Variants in SLC22A25 observed in about 807,000 individuals in gnomAD.
SLC22A25 encodes the protein solute carrier family 22 member 25.
In SLC22A25, 44 loss-of-function variants were observed where a neutral mutation model predicts 45.9. That is an observed-to-expected ratio of 0.96 (90% CI 0.75 to 1.23). The LOEUF is 1.23. Among genes scored for constraint, SLC22A25 ranks in the 50% most tolerant of loss-of-function variants. SLC22A25 has a pLI of 0.00. For missense variants in SLC22A25, 800 were observed against 666.4 expected, an observed-to-expected ratio of 1.20 and a Z score of -2.21; for synonymous variants, 283 against 238.6, an observed-to-expected ratio of 1.19 and a Z score of -1.72.
intron 2 of SLC22A25, among the ~76,000 whole-genome samples, chr11:63,238,481 A>G (rs1292299929): frequency 6.6e-6 from 1 of 152,186 alleles, no homozygotes; most frequent in Non-Finnish European, 1.5e-5. Context: ...ACTTGCCTAA[A>G]CTTTGGTCTT....
chr11:63,174,440 G>A (rs2088012216), intron 9 of SLC22A25, among the ~76,000 whole-genome samples: 1 of 152,110 alleles, frequency 6.6e-6, no homozygotes, highest in South Asian at 2.1e-4. Context: ...ATTTTCCTGT[G>A]TGACTACCTA....
intron 5 of SLC22A25, among the ~76,000 whole-genome samples, chr11:63,218,412 C>T (rs956261343): frequency 2.0e-5 from 3 of 152,136 alleles, no homozygotes; most frequent in South Asian, 2.1e-4. Context: ...TGCTAACTAC[C>T]TGGGTGATGG....
In SLC22A25 at chr11:63,163,706, G is replaced by A; in HGVS notation, c.*118C>T. The A allele has an allele frequency of 7.3e-7, 1 of 1,370,544 alleles. No individual in the cohort carries two copies. The highest frequency in any genetic ancestry group is 1.5e-5 in the South Asian group (1 of 67,032). The allele number at this position is 1,370,544 out of a possible 1,614,324, so 84.9% of individuals were successfully genotyped here. A position where few individuals can be genotyped will look rare whatever the true frequency, so the allele number is the denominator to read the frequency against. ...GGCTCAGGGGATGTATGAGGTCACT[G>A]TGGAAGGGATGAGGATACACCAAAG... On this transcript the variant is annotated 3_prime_UTR_variant, in exon 12 of 12. Transcript: ENST00000306494.
At chr11:63,235,541 T>C (rs1389152730) in intron 3 of SLC22A25, among the ~76,000 whole-genome samples, 1 of 152,146 alleles carries the variant, frequency 6.6e-6, no homozygotes, top group Non-Finnish European at 1.5e-5. Flanking sequence ...TAGTTATCCA[T>C]TCATCTAATT....
intron 5 of SLC22A25, among the ~76,000 whole-genome samples, chr11:63,219,681 T>C (rs2089805374): frequency 2.0e-5 from 3 of 152,160 alleles, no homozygotes; most frequent in African/African-American, 2.4e-5. Flanking sequence ...CCCAGGTTTG[T>C]GATAAAGCTC....
At chr11:63,169,630 T>C (rs1319448725) in intron 9 of SLC22A25, among the ~76,000 whole-genome samples, 1 of 152,102 alleles carries the variant, frequency 6.6e-6, no homozygotes, top group Non-Finnish European at 1.5e-5. Flanking sequence ...CCTAAATATA[T>C]ACACACACAA....
At position 63,162,336 on chromosome 11, in the gene SLC22A25, T is replaced by G. The variant is rs1217177638; in HGVS notation, c.*1488A>C. Reference sequence around the variant, plus strand: ...TTGTGGGGTATTACTCAAGAAATCTTTGGCCAGTCTAATGTACTGGAAAAT... The same window carrying G: ...TTGTGGGGTATTACTCAAGAAATCTGTGGCCAGTCTAATGTACTGGAAAAT... On this transcript the variant is annotated 3_prime_UTR_variant, in exon 12 of 12. Coordinates refer to ENST00000306494, the MANE Select transcript of SLC22A25 (RefSeq NM_199352.6). Among the ~76,000 whole-genome samples, 1 of 152,206 alleles carries G rather than the reference T, an allele frequency of 6.6e-6. No individual in the cohort carries two copies. Among genetic ancestry groups the G allele is most frequent in the African/African-American group, 2.4e-5 (1 of 41,458 alleles).
At chr11:63,204,339 C>T (rs746032523) in intron 7 of SLC22A25, among the ~76,000 whole-genome samples, 17 of 152,056 alleles carry the variant, frequency 1.1e-4, no homozygotes, top group Admixed American at 2.0e-4. Flanking sequence ...GGGCTAAATG[C>T]CCCAAATAAA....
intron 7 of SLC22A25, among the ~76,000 whole-genome samples, chr11:63,191,092 A>C (rs2088793659): frequency 6.6e-6 from 1 of 152,210 alleles, no homozygotes; most frequent in Non-Finnish European, 1.5e-5. Context: ...AGGGACATTT[A>C]AGTCTGCGGA....
intron 7 of SLC22A25, among the ~76,000 whole-genome samples, chr11:63,207,837 G>T (rs2089448825): frequency 6.6e-6 from 1 of 152,154 alleles, no homozygotes; most frequent in East Asian, 1.9e-4. Context: ...AAGAAATGAT[G>T]TAATGCATGT....
Position 63,219,777 on chromosome 11 carries a change from C to T in SLC22A25, c.507-2042G>A, listed in dbSNP as rs145775624. On this transcript the variant is annotated intron_variant, in intron 5 of 11. Coordinates refer to ENST00000306494, the MANE Select transcript of SLC22A25 (RefSeq NM_199352.6). Reference sequence around the variant, plus strand: ...CTGGTACCACTACCTTATCTTGCACCACCCTATGATCCATTAAAATTGGTT... The same window carrying T: ...CTGGTACCACTACCTTATCTTGCACTACCCTATGATCCATTAAAATTGGTT... The T allele has an allele frequency of 2.7e-3, 1,320 of 490,812 alleles. 16 individuals are homozygous for T. Among genetic ancestry groups the T allele is most frequent in the African/African-American group, 0.023 (1,185 of 50,506 alleles). The allele number at this position is 490,812 out of a possible 1,614,324, so 30.4% of individuals were successfully genotyped here. A position where few individuals can be genotyped will look rare whatever the true frequency, so the allele number is the denominator to read the frequency against.
At chr11:63,198,697 C>T (rs2089140350) in intron 7 of SLC22A25, among the ~76,000 whole-genome samples, 1 of 151,896 alleles carries the variant, frequency 6.6e-6, no homozygotes, top group Non-Finnish European at 1.5e-5. Flanking sequence ...TGCACATGTA[C>T]CCTAGTACTT....
intron 7 of SLC22A25, among the ~76,000 whole-genome samples, chr11:63,184,505 T>C (rs2088448342): frequency 6.6e-6 from 1 of 152,162 alleles, no homozygotes; most frequent in Non-Finnish European, 1.5e-5. Flanking sequence ...GGGGTATAGT[T>C]AATCATACAT....
intron 9 of SLC22A25, among the ~76,000 whole-genome samples, chr11:63,173,344 C>T (rs920111633): frequency 6.6e-6 from 1 of 152,052 alleles, no homozygotes; most frequent in Non-Finnish European, 1.5e-5. Context: ...TGTAACAAAC[C>T]TGTATGTTCT....
At chr11:63,166,428 G>T (rs2087687709) in intron 9 of SLC22A25, 170 bp from the exon 10 acceptor site, 1 of 1,431,480 alleles carries the variant, frequency 7.0e-7, no homozygotes. Context: ...ATAAAATAAT[G>T]GTTAGATGAT....
At chr11:63,222,119 T>C (rs2089867050) in intron 5 of SLC22A25, among the ~76,000 whole-genome samples, 1 of 152,212 alleles carries the variant, frequency 6.6e-6, no homozygotes, top group Non-Finnish European at 1.5e-5. Flanking sequence ...CTGGGTCTTT[T>C]GTGGTTTCAT....
intron 9 of SLC22A25, among the ~76,000 whole-genome samples, chr11:63,174,381 T>C (rs1313678812): frequency 6.6e-6 from 1 of 152,144 alleles, no homozygotes; most frequent in Admixed American, 6.6e-5. Context: ...CAGGCATAAA[T>C]TGCACATAGA....
chr11:63,181,551 C>A (rs950170755), intron 8 of SLC22A25, among the ~76,000 whole-genome samples: 1 of 151,820 alleles, frequency 6.6e-6, no homozygotes, highest in Non-Finnish European at 1.5e-5. Flanking sequence ...GGAAACTAAC[C>A]CTTATGTTTC....
chr11:63,224,048 G>A (rs1389634623), intron 5 of SLC22A25, among the ~76,000 whole-genome samples: 2 of 152,094 alleles, frequency 1.3e-5, no homozygotes, highest in Non-Finnish European at 2.9e-5. Context: ...AATATTGAAA[G>A]TGGGGTGTTG....
Sources: allele counts gnomAD v4.1 joint callset (sites outside exome capture counted in the v4.1 genomes callset), GRCh38; gene constraint gnomAD v4.1.1; transcripts MANE v1.5; gene names NCBI Gene and HGNC (gene_info 2026-07-23, HGNC 2026-07-21).